Variants in COL15A1 observed in about 807,000 individuals in gnomAD.
COL15A1 encodes collagen alpha-1(XV) chain.
A neutral mutation model predicts 165.9 loss-of-function variants in COL15A1; 111 were observed. The observed-to-expected ratio is 0.67, with a 90% CI of 0.57 to 0.78. COL15A1 has a LOEUF of 0.78. COL15A1 is among the 30% of genes least tolerant of loss of function. The pLI is 0.00. For synonymous variants in COL15A1, 659 were observed against 674.8 expected, an observed-to-expected ratio of 0.98 and a Z score of 0.36; for missense variants, 1,745 against 1,789.7, an observed-to-expected ratio of 0.98 and a Z score of 0.45.
chr9:99,022,335 A>T (rs1386260102), intron 13 of COL15A1, among the ~76,000 whole-genome samples, 185 bp downstream of exon 13: 1 of 152,200 alleles, frequency 6.6e-6, no homozygotes, highest in African/African-American at 2.4e-5. Flanking sequence ...TCCAGTTTAA[A>T]TCCTGCACCT....
At position 98,985,606 on chromosome 9, in the gene COL15A1, G is replaced by C. The variant is rs577671129; in HGVS notation, c.142G>C (p.Gly48Arg). Residue 48 changes from glycine to arginine, a missense_variant, in exon 3 of 42, where the codon GGT becomes CGT. By Grantham distance (125) the Gly-to-Arg change is moderately radical. Transcript: ENST00000375001. ...QGHLDLTQLI[G>R]VPLPSSVSFV... ...TCACCTGGACCTCACGCAGCTCATC[G>C]GTGTCCCGCTGCCCTCGTCCGTATC... is the stretch of plus-strand genomic sequence containing the variant. 1.9e-6 allele frequency: 3 copies of C among 1,614,072 alleles called. No individual in the cohort carries two copies. The highest frequency in any genetic ancestry group is 1.6e-4 in the Middle Eastern group (1 of 6,084).
chr9:99,037,186 C>T (rs199831355), intron 21 of COL15A1, among the ~76,000 whole-genome samples: 1 of 152,248 alleles, frequency 6.6e-6, no homozygotes, highest in East Asian at 1.9e-4. Context: ...CTTCATCCTT[C>T]AAACCCCCAT....
intron 2 of COL15A1, among the ~76,000 whole-genome samples, chr9:98,952,537 A>G (rs1837705529): frequency 6.6e-6 from 1 of 152,166 alleles, no homozygotes; most frequent in Admixed American, 6.5e-5. Flanking sequence ...TTGATCACTT[A>G]AAATGAACCA....
chr9:99,034,506 A>G lies in COL15A1; in HGVS notation c.2044-43A>G, dbSNP rs549093668. 41 of 1,568,816 alleles carry G rather than the reference A, an allele frequency of 2.6e-5. No individual in the cohort carries two copies. The South Asian group carries it at 3.8e-4, about 14-fold the overall frequency. The stretch of plus-strand genomic sequence containing the variant: ...TTGTCTTCAGAACACACCTCATGAC[A>G]TATGCATTAATTGGTCCATGTTTTT... On this transcript the variant is annotated intron_variant, in intron 16 of 41. Transcript: ENST00000375001.
chr9:99,024,477 G>A (rs568607604), intron 14 of COL15A1, among the ~76,000 whole-genome samples: 1 of 151,820 alleles, frequency 6.6e-6, no homozygotes, highest in Non-Finnish European at 1.5e-5. Context: ...GTAGAGACAG[G>A]GTTTCACCAT....
chr9:99,052,523 G>T (rs1839607835), intron 31 of COL15A1, 90 bp downstream of exon 31: 9 of 1,091,712 alleles, frequency 8.2e-6, no homozygotes, highest in Non-Finnish European at 1.3e-5. Context: ...CGCAGACTAG[G>T]TGGTCAGGAA....
At chr9:98,959,309 C>T (rs1837830160) in intron 2 of COL15A1, among the ~76,000 whole-genome samples, 1 of 151,274 alleles carries the variant, frequency 6.6e-6, no homozygotes, top group Admixed American at 6.6e-5. Context: ...ACTCAGGAGG[C>T]TGAGGCAGGA....
chr9:98,965,729 T>G (rs1438717521), intron 2 of COL15A1, among the ~76,000 whole-genome samples: 1 of 152,238 alleles, frequency 6.6e-6, no homozygotes, highest in Non-Finnish European at 1.5e-5. Context: ...TCAGGTCCCC[T>G]TCCCAGTGTC....
At position 99,056,308 on chromosome 9, in the gene COL15A1, C is replaced by A; in HGVS notation, c.3241C>A (p.Pro1081Thr). The A allele has an allele frequency of 6.2e-7, 1 of 1,614,124 alleles. No individual in the cohort carries two copies. The highest frequency in any genetic ancestry group is 8.5e-7 in the Non-Finnish European group (1 of 1,180,024). ...VVGPQGPPGA[P>T]GLPGPPGFGR... Reference sequence around the variant, plus strand: ...TGGGCCCCAAGGACCCCCAGGTGCTCCTGGTCTGCCTGGGCCACCTGGCTT... The same window carrying A: ...TGGGCCCCAAGGACCCCCAGGTGCTACTGGTCTGCCTGGGCCACCTGGCTT... Residue 1081 changes from proline (P) to threonine (T), a missense_variant, in exon 35 of 42, where the codon CCT (proline) becomes ACT (threonine). Transcript: ENST00000375001.
chr9:99,009,918 G>GACAA (rs1838822915), intron 9 of COL15A1, among the ~76,000 whole-genome samples: 1 of 152,146 alleles, frequency 6.6e-6, no homozygotes, highest in African/African-American at 2.4e-5. Context: ...TTGTTAATCT[G>GACAA]ACACAGGGGC....
intron 2 of COL15A1, among the ~76,000 whole-genome samples, chr9:98,970,437 T>C (rs1838028679): frequency 6.6e-6 from 1 of 152,148 alleles, no homozygotes; most frequent in Admixed American, 6.5e-5. Flanking sequence ...CCAAACCCTG[T>C]GTGTGGGAAG....
chr9:98,989,453 C>A (rs1423633527), intron 5 of COL15A1, among the ~76,000 whole-genome samples, 195 bp downstream of exon 5: 1 of 152,220 alleles, frequency 6.6e-6, no homozygotes, highest in Non-Finnish European at 1.5e-5. Context: ...ACCGCAACAC[C>A]AGCTTCCTCA....
At chr9:98,983,936 G>A (rs1042656589) in intron 2 of COL15A1, among the ~76,000 whole-genome samples, 2 of 152,194 alleles carry the variant, frequency 1.3e-5, no homozygotes, top group Admixed American at 1.3e-4. Context: ...TGATTCCTCA[G>A]GTAGGGCTTT....
At chr9:99,018,500 T>C (rs1474911798) in intron 11 of COL15A1, among the ~76,000 whole-genome samples, 1 of 152,198 alleles carries the variant, frequency 6.6e-6, no homozygotes, top group Non-Finnish European at 1.5e-5. Context: ...CTTCTAGGAA[T>C]TGATTCTAGT....
chr9:99,047,722 C>G, intron 26 of COL15A1, 64 bp from the exon 27 acceptor site: 8 of 1,564,828 alleles, frequency 5.1e-6, no homozygotes, highest in Middle Eastern at 3.6e-4. Flanking sequence ...CGGGCTTGCA[C>G]TCCTCATTTC....
intron 24 of COL15A1, among the ~76,000 whole-genome samples, chr9:99,042,666 G>A (rs1342005642): frequency 6.6e-6 from 1 of 152,188 alleles, no homozygotes; most frequent in African/African-American, 2.4e-5. Context: ...TAGAACAAAT[G>A]TTAATATTTA....
chr9:99,064,462 A>C (rs1338846420), intron 39 of COL15A1, among the ~76,000 whole-genome samples: 5 of 152,184 alleles, frequency 3.3e-5, no homozygotes, highest in Non-Finnish European at 5.9e-5. Flanking sequence ...CCAGGAAGGA[A>C]TAGGTTCTGA....
chr9:99,036,143 A>G (rs572510277), intron 19 of COL15A1, 27 bp from the exon 20 acceptor site: 10 of 1,590,078 alleles, frequency 6.3e-6, no homozygotes, highest in Non-Finnish European at 8.6e-6. Flanking sequence ...TGACTAGAAG[A>G]ATATTTATTT....
chr9:99,068,171 G>T (rs1019746104), intron 40 of COL15A1, among the ~76,000 whole-genome samples: 1 of 152,148 alleles, frequency 6.6e-6, no homozygotes, highest in African/African-American at 2.4e-5. Context: ...GCCTTGAAGA[G>T]CGAGTAAAAA....
Sources: gnomAD v4.1 joint callset for allele counts (sites outside exome capture counted in the v4.1 genomes callset) on GRCh38, gnomAD v4.1.1 for gene constraint, MANE v1.5 for transcripts, NCBI Gene and HGNC (gene_info 2026-07-23, HGNC 2026-07-21) for gene names.